Variants in DLGAP4 observed in about 807,000 individuals in gnomAD.
The protein encoded by DLGAP4 is DLG associated protein 4, also known as disks large-associated protein 4.
DLGAP4 carries 18 observed loss-of-function variants against 86.9 expected under a neutral mutation model. The observed-to-expected ratio is 0.21, with a 90% confidence interval of 0.14 to 0.31. The LOEUF (loss-of-function observed/expected upper bound fraction) is 0.31, where lower values mean the gene tolerates loss of function less well. DLGAP4 is among the 10% of genes least tolerant of loss of function. DLGAP4 has a pLI of 1.00. For synonymous variants in DLGAP4, 548 were observed against 574.3 expected (o/e 0.95, Z 0.65); for missense variants, 1,085 against 1,362.6 (o/e 0.80, Z 3.21).
Position 36,360,235 on chromosome 20 carries a change from G to A in DLGAP4, c.-303-6810G>A, listed in dbSNP as rs183068600. On this transcript the variant is annotated intron_variant, in intron 1 of 12. Transcript: ENST00000339266. ...GTTGTCCAAGGTCACACAGCTATGA[G>A]GCGGTAGAGCTGGTATCTGACCCCA... Among the ~76,000 whole-genome samples the A allele has an allele frequency of 2.1e-4, 32 of 152,296 alleles. No homozygotes were observed. The East Asian group carries it at 5.4e-3, about 26-fold the overall frequency.
At chr20:36,463,830 G>A (rs1200990471) in intron 7 of DLGAP4, among the ~76,000 whole-genome samples, 1 of 152,194 alleles carries the variant, frequency 6.6e-6, no homozygotes, top group Non-Finnish European at 1.5e-5. Flanking sequence ...CTGTCAAGGA[G>A]CTTAGGATGT....
Position 36,436,260 on chromosome 20 carries a change from G to A in DLGAP4, c.1151G>A (p.Ser384Asn), listed in dbSNP as rs2033272372. 6.2e-7 allele frequency: 1 copy of A among 1,605,864 alleles called. No homozygotes were observed. Among genetic ancestry groups the A allele is most frequent in the Non-Finnish European group, 8.5e-7 (1 of 1,179,464 alleles). Residue 384 changes from serine (S) to asparagine (N), a missense_variant, in exon 4 of 13, where the codon AGC (serine) becomes AAC (asparagine). Transcript: ENST00000339266. ...GDEDSDESGG[S>N]PKPSPKTAAR... is the part of the protein sequence containing the mutation. ...GAGGACAGCGACGAGTCCGGCGGCA[G>A]CCCCAAGCCCTCACCCAAGACCGCG...
At chr20:36,515,544 T>C (rs571170537) in intron 10 of DLGAP4, among the ~76,000 whole-genome samples, 2 of 152,334 alleles carry the variant, frequency 1.3e-5, no homozygotes, top group African/African-American at 2.4e-5. Flanking sequence ...TTTAGGTTCA[T>C]TCTTACCATG....
At chr20:36,522,781 T>C (rs895661086) in intron 10 of DLGAP4, among the ~76,000 whole-genome samples, 1 of 152,136 alleles carries the variant, frequency 6.6e-6, no homozygotes, top group African/African-American at 2.4e-5. Flanking sequence ...CTCCCCCATC[T>C]TGTTTACTTT....
At chr20:36,377,545 G>A (rs2031205495) in intron 2 of DLGAP4, among the ~76,000 whole-genome samples, 1 of 152,188 alleles carries the variant, frequency 6.6e-6, no homozygotes, top group Non-Finnish European at 1.5e-5. Flanking sequence ...TAGATTCCTG[G>A]GCGTGTCACT....
chr20:36,431,799 G>T lies in DLGAP4; in HGVS notation c.82G>T (p.Asp28Tyr). 1 of 1,613,618 alleles carries T rather than the reference G, an allele frequency of 6.2e-7. No homozygotes were observed. Among genetic ancestry groups the T allele is most frequent in the Non-Finnish European group, 8.5e-7 (1 of 1,179,882 alleles). The change falls in exon 3 of 13, where the codon GAC becomes TAC. Residue 28 changes from aspartate (D) to tyrosine (Y), a missense_variant. By Grantham distance (160) the Asp-to-Tyr change is radical. Transcript: ENST00000339266. The surrounding 1 kb of genome is among the most constrained non-coding windows in gnomAD (Gnocchi z 5.1). ...CCACGAGCCCCTGTTTGCAGGGACC[G>T]ACCGCAACCCCTACCTGCTGTCGCC... ...PPHEPLFAGTDRNPYLLSPTE... is the reference protein window; with the variant it reads ...PPHEPLFAGTYRNPYLLSPTE...
intron 10 of DLGAP4, among the ~76,000 whole-genome samples, chr20:36,523,084 T>A (rs1477854793): frequency 6.6e-6 from 1 of 152,160 alleles, no homozygotes; most frequent in African/African-American, 2.4e-5. Context: ...GCTGTGCCAG[T>A]ACTTTATGAT....
intron 2 of DLGAP4, among the ~76,000 whole-genome samples, chr20:36,416,788 C>T (rs1190920166): frequency 2.6e-5 from 4 of 152,116 alleles, no homozygotes; most frequent in African/African-American, 9.7e-5. Flanking sequence ...CCAGCCTAGC[C>T]TGTGTGGGAT....
intron 10 of DLGAP4, among the ~76,000 whole-genome samples, chr20:36,505,840 G>A (rs543529525): frequency 2.6e-5 from 4 of 152,184 alleles, no homozygotes; most frequent in South Asian, 4.1e-4. Flanking sequence ...GAAGTGGATC[G>A]TCATAAAGGT....
intron 10 of DLGAP4, among the ~76,000 whole-genome samples, chr20:36,514,241 G>C (rs2036904590): frequency 1.3e-5 from 2 of 152,134 alleles, no homozygotes; most frequent in Non-Finnish European, 2.9e-5. Flanking sequence ...TACATAAAGG[G>C]CCATTTTGGT....
intron 2 of DLGAP4, among the ~76,000 whole-genome samples, chr20:36,387,213 A>T (rs984674586): frequency 4.6e-5 from 7 of 152,212 alleles, no homozygotes; most frequent in African/African-American, 1.7e-4. Context: ...TAATTTTGCC[A>T]ATCTGCTGGG....
chr20:36,396,218 AAGTGC>A (rs1466125500), intron 2 of DLGAP4, among the ~76,000 whole-genome samples: 1 of 151,810 alleles, frequency 6.6e-6, no homozygotes, highest in African/African-American at 2.4e-5. Flanking sequence ...AGCACCGCAG[AAGTGC>A]AGTGAGTGGG....
intron 7 of DLGAP4, among the ~76,000 whole-genome samples, chr20:36,460,782 CT>C (rs1440429109): frequency 2.6e-5 from 4 of 152,210 alleles, no homozygotes; most frequent in Non-Finnish European, 5.9e-5. Context: ...GAGCTGGTCA[CT>C]TTGCCCTCCA....
chr20:36,494,240 C>G (rs534226331), intron 7 of DLGAP4, among the ~76,000 whole-genome samples: 3 of 152,136 alleles, frequency 2.0e-5, no homozygotes, highest in African/African-American at 7.2e-5. Flanking sequence ...GGCCTCTGGA[C>G]TAGGCTGGGC....
Position 36,500,488 on chromosome 20 carries a change from C to G in DLGAP4, c.2389C>G (p.Pro797Ala). Reference sequence around the variant, plus strand: ...CAGCTCCCCAGCAGAGCCGGCACAGCCAGGGGCCTGCCGCCGAGACGGCTA... The same window carrying G: ...CAGCTCCCCAGCAGAGCCGGCACAGGCAGGGGCCTGCCGCCGAGACGGCTA... Reference protein sequence around the residue: ...SSSSPAEPAQPGACRRDGYWF... With the variant: ...SSSSPAEPAQAGACRRDGYWF... Residue 797 changes from proline (P) to alanine (A), a missense_variant, in exon 10 of 13, where the codon CCA becomes GCA. By Grantham distance (27) the Pro-to-Ala change is conservative (BLOSUM62 -1). Coordinates refer to ENST00000339266, the MANE Select transcript of DLGAP4 (RefSeq NM_001365621.2). This position sits in a 1 kb window ranked among gnomAD's most constrained non-coding sequence, Gnocchi z 4.6. 1 of 1,592,888 alleles carries G rather than the reference C, an allele frequency of 6.3e-7. No individual in the cohort carries two copies. Among genetic ancestry groups the G allele is most frequent in the Non-Finnish European group, 8.6e-7 (1 of 1,169,260 alleles).
At chr20:36,336,188 T>C (rs2065320325) in intron 1 of DLGAP4, among the ~76,000 whole-genome samples, 1 of 152,174 alleles carries the variant, frequency 6.6e-6, no homozygotes, top group Non-Finnish European at 1.5e-5. Flanking sequence ...TCCATGCCCA[T>C]TTGGCTGACG....
chr20:36,493,391 T>C (rs2035750437), intron 7 of DLGAP4, among the ~76,000 whole-genome samples: 3 of 152,196 alleles, frequency 2.0e-5, no homozygotes, highest in Admixed American at 6.5e-5. Context: ...AGAAGATGAA[T>C]GGGGCAGTGC....
At chr20:36,442,661 C>A in intron 5 of DLGAP4, 66 bp from the exon 6 acceptor site, 1 of 1,572,226 alleles carries the variant, frequency 6.4e-7, no homozygotes, top group Non-Finnish European at 8.8e-7. Flanking sequence ...TTGCAATTGA[C>A]CCTGAATCCC....
intron 6 of DLGAP4, among the ~76,000 whole-genome samples, chr20:36,444,961 T>A (rs1399105335): frequency 6.6e-6 from 1 of 151,908 alleles, no homozygotes; most frequent in Non-Finnish European, 1.5e-5. Flanking sequence ...TATTATTATT[T>A]TTTAATTTTT....
Sources: gnomAD v4.1 joint callset for allele counts (sites outside exome capture counted in the v4.1 genomes callset) on GRCh38, gnomAD v4.1.1 for gene constraint, Gnocchi (gnomAD v3.1) non-coding constraint, MANE v1.5 for transcripts, NCBI Gene and HGNC (gene_info 2026-07-23, HGNC 2026-07-21) for gene names.